The following CNBD2 variants were observed in gnomAD, a reference collection of about 807,000 sequenced individuals.
CNBD2 encodes the protein cyclic nucleotide-binding domain-containing protein 2.
Under a neutral mutation model 63.7 loss-of-function variants are expected in CNBD2, and 64 were observed. The ratio of observed to expected loss-of-function variants is 1.00; its 90% CI spans 0.82 to 1.24. The LOEUF is 1.24. Among genes scored for constraint, CNBD2 ranks in the 50% most tolerant of loss-of-function variants. The probability of loss-of-function intolerance (pLI) is 0.00; values close to 1 mark genes in which losing one functional copy is unlikely to be tolerated. For synonymous variants in CNBD2, 229 were observed against 255.4 expected, an observed-to-expected ratio of 0.90 and a Z score of 0.99; for missense variants, 691 against 713.5, an observed-to-expected ratio of 0.97 and a Z score of 0.36.
chr20:35,972,010 C>T (rs1160324432), intron 1 of CNBD2, among the ~76,000 whole-genome samples: 1 of 152,126 alleles, frequency 6.6e-6, no homozygotes, highest in Non-Finnish European at 1.5e-5. Context: ...GCTGCCATAA[C>T]AAATTACCAC....
At chr20:35,959,800 T>C (rs1057133411), downstream of CNBD2, among the ~76,000 whole-genome samples, 12 of 152,162 alleles carry the variant, frequency 7.9e-5, 1 homozygote, top group Admixed American at 2.0e-4. Context: ...CATGGCAAGA[T>C]TGGGATTCAA....
chr20:36,024,074 G>A (rs1349929672), intron 11 of CNBD2, among the ~76,000 whole-genome samples: 2 of 152,200 alleles, frequency 1.3e-5, no homozygotes, highest in Non-Finnish European at 2.9e-5. Flanking sequence ...GATGGCTCAC[G>A]CCTATAATCC....
intron 10 of CNBD2, among the ~76,000 whole-genome samples, chr20:36,012,278 G>A (rs376933505): frequency 1.0e-3 from 153 of 151,320 alleles, no homozygotes; most frequent in African/African-American, 3.4e-3. Context: ...AAAGCCTGGG[G>A]GACAAGAGTG....
At chr20:35,985,928 T>G (rs1423820435) in intron 6 of CNBD2, among the ~76,000 whole-genome samples, 3 of 152,188 alleles carry the variant, frequency 2.0e-5, no homozygotes, top group African/African-American at 7.2e-5. Flanking sequence ...GCCAGACACA[T>G]GCAGGTGCTC....
At chr20:36,010,239 A>T (rs2057040094) in intron 9 of CNBD2, among the ~76,000 whole-genome samples, 1 of 152,070 alleles carries the variant, frequency 6.6e-6, no homozygotes, top group Admixed American at 6.6e-5. Flanking sequence ...TAACAATGGC[A>T]CCAGTGTCAC....
intron 4 of CNBD2, 31 bp from the exon 5 acceptor site, chr20:35,983,951 A>T (rs189824435): frequency 6.2e-7 from 1 of 1,613,892 alleles, no homozygotes; most frequent in Non-Finnish European, 8.5e-7. Context: ...CCATGTCACT[A>T]CCCAATCAAC....
intron 6 of CNBD2, among the ~76,000 whole-genome samples, chr20:35,986,871 G>T (rs1476651681): frequency 6.6e-6 from 1 of 152,236 alleles, no homozygotes; most frequent in South Asian, 2.1e-4. Flanking sequence ...CCCACAGGGA[G>T]CAACAGGCAG....
Position 36,004,001 on chromosome 20 carries a change from A to G in CNBD2, c.971-4296A>G, listed in dbSNP as rs917492701. Among the ~76,000 whole-genome samples the G allele has an allele frequency of 2.6e-4, 39 of 152,158 alleles. 1 individual carries two copies. The highest frequency in any genetic ancestry group is 6.5e-5 in the Admixed American group (1 of 15,274). On this transcript the variant is annotated intron_variant, in intron 8 of 11. Transcript: ENST00000373973. ...GGCTATTGGCCAAGTGTCTGGCCTC[A>G]TGGGTGTCTCTACAGGGCAGTTTCA...
At chr20:35,954,729 A>T in exon 1 of CNBD2, 1 of 864,880 alleles carries the variant, frequency 1.2e-6, no homozygotes, top group South Asian at 1.7e-5. Flanking sequence ...CCCGGACCTT[A>T]TCCGTGCGCC....
At chr20:35,979,954 G>T (rs2056573891) in intron 3 of CNBD2, among the ~76,000 whole-genome samples, 1 of 152,196 alleles carries the variant, frequency 6.6e-6, no homozygotes, top group Admixed American at 6.5e-5. Context: ...AGTGGTAGGT[G>T]AACGTGCTGG....
chr20:35,991,153 C>T (rs954825385), intron 7 of CNBD2, among the ~76,000 whole-genome samples: 3 of 152,126 alleles, frequency 2.0e-5, no homozygotes, highest in African/African-American at 7.2e-5. Context: ...GATGCAACTT[C>T]ATTTGTCCAA....
intron 9 of CNBD2, among the ~76,000 whole-genome samples, chr20:36,010,387 T>C (rs975620113): frequency 2.7e-5 from 4 of 145,942 alleles, no homozygotes; most frequent in East Asian, 4.0e-4. Context: ...TAGGTTGCAG[T>C]GAGCCAAGAT....
At chr20:36,027,489 A>G (rs1027343955) in intron 11 of CNBD2, among the ~76,000 whole-genome samples, 1 of 152,164 alleles carries the variant, frequency 6.6e-6, no homozygotes, top group Non-Finnish European at 1.5e-5. Flanking sequence ...GGGTTACAGG[A>G]TGATTTTAGG....
rs749624160 is a variant in CNBD2 at position 36,011,102 on chromosome 20, A to G, written c.1149-35A>G. 4.0e-6 allele frequency: 6 copies of G among 1,482,358 alleles called. No individual in the cohort carries two copies. In the South Asian group the frequency reaches 8.5e-5, roughly 21 times the overall value. 91.8% of individuals were successfully genotyped at this position (1,482,358 alleles called of 1,614,324 possible). On this transcript the variant is annotated intron_variant, in intron 9 of 11. Coordinates refer to ENST00000373973, the MANE Select transcript of CNBD2 (RefSeq NM_001365709.1). Reference sequence around the variant, plus strand: ...CAGGGCCTCAGGAGCAGACTGTGTTACAGATGAGCTCTCTAACAAGCTGTC... The same window carrying G: ...CAGGGCCTCAGGAGCAGACTGTGTTGCAGATGAGCTCTCTAACAAGCTGTC...
intron 9 of CNBD2, among the ~76,000 whole-genome samples, chr20:36,010,828 T>G (rs2057048880): frequency 6.6e-6 from 1 of 151,994 alleles, no homozygotes; most frequent in Non-Finnish European, 1.5e-5. Context: ...AGGGCCAGCC[T>G]GGACTTCCCA....
At chr20:36,029,461 C>A (rs939428525) in intron 11 of CNBD2, among the ~76,000 whole-genome samples, 15 of 152,156 alleles carry the variant, frequency 9.9e-5, no homozygotes, top group Non-Finnish European at 2.1e-4. Context: ...CGGAGGAGGA[C>A]CCTGGCTTGC....
At position 36,001,226 on chromosome 20, in the gene CNBD2, A is replaced by C. The variant is rs777427520; in HGVS notation, c.970+6074A>C. Reference sequence around the variant, plus strand: ...ATTCCACAAAACCGCCATTGTCATCATGGCCCGTTCTCAATGAGCTGTTGG... The same window carrying C: ...ATTCCACAAAACCGCCATTGTCATCCTGGCCCGTTCTCAATGAGCTGTTGG... On this transcript the variant is annotated intron_variant, in intron 8 of 11. Transcript: ENST00000373973. Among the ~76,000 whole-genome samples, 4 of 151,978 alleles carry C rather than the reference A, an allele frequency of 2.6e-5. No homozygotes were observed. In the South Asian group the frequency reaches 6.2e-4, roughly 24 times the overall value.
exon 1 of CNBD2, chr20:35,954,742 T>C: frequency 2.6e-6 from 2 of 772,718 alleles, no homozygotes; most frequent in Non-Finnish European, 3.6e-6. Context: ...CGTGCGCCGC[T>C]TCGGTTTGCA....
downstream of CNBD2, among the ~76,000 whole-genome samples, chr20:35,958,666 C>G (rs1242984708): frequency 6.6e-6 from 1 of 151,842 alleles, no homozygotes; most frequent in Non-Finnish European, 1.5e-5. Context: ...GTGTGTAGGT[C>G]TATGCAATTT....
Sources: allele counts gnomAD v4.1 joint callset (sites outside exome capture counted in the v4.1 genomes callset), GRCh38; gene constraint gnomAD v4.1.1; transcripts MANE v1.5; gene names NCBI Gene and HGNC (gene_info 2026-07-23, HGNC 2026-07-21).